CBX2: variants seen among roughly 807,000 people sequenced by gnomAD.
The protein encoded by CBX2 is chromobox 2, also known as chromobox protein homolog 2.
CBX2 carries 11 observed loss-of-function variants against 21.0 expected under a neutral mutation model. That is an observed-to-expected ratio of 0.52 (90% CI 0.33 to 0.87). CBX2 has a LOEUF of 0.87. CBX2 is among the 40% of genes least tolerant of loss of function. The pLI is 0.02. For synonymous variants in CBX2, 364 were observed against 304.6 expected, an observed-to-expected ratio of 1.19 and a Z score of -2.03; for missense variants, 746 against 724.3, an observed-to-expected ratio of 1.03 and a Z score of -0.34.
At chr17:79,782,566 C>A in intron 4 of CBX2, 1 of 928,114 alleles carries the variant, frequency 1.1e-6, no homozygotes, top group Non-Finnish European at 1.3e-6. Flanking sequence ...AGCTCAGTCA[C>A]TAACTGAACC....
At chr17:79,778,061 G>A (rs1278804860), upstream of CBX2, 1 of 149,348 alleles carries the variant, frequency 6.7e-6, no homozygotes, top group South Asian at 2.1e-4. The surrounding 1 kb of genome is among the most constrained non-coding windows in gnomAD (Gnocchi z 4.8). Context: ...CGGGATTTGG[G>A]CAGCGCGCGG....
rs782234173 is a variant in CBX2, at chr17:79,784,843, C to T, written c.1400C>T (p.Ser467Leu). The T allele has an allele frequency of 9.9e-6, 16 of 1,612,378 alleles. No individual in the cohort carries two copies. The highest frequency in any genetic ancestry group is 4.5e-5 in the East Asian group (2 of 44,862). ...AGCGCAGGTGAGGAGAGTAGCAGCT[C>T]GGACTCCGACCCCGACTCCGCCTCG... ...EMSAGEESSS[S>L]DSDPDSASPP... Residue 467 changes from serine to leucine, a missense_variant, in exon 5 of 5, where the codon TCG (serine) becomes TTG (leucine). This residue lies in a region of CBX2 where 701 missense variants were observed against 650.7 expected (regional missense o/e 1.08). Coordinates refer to ENST00000310942, the MANE Select transcript of CBX2 (RefSeq NM_005189.3). The surrounding 1 kb of genome is among the most constrained non-coding windows in gnomAD (Gnocchi z 5.9).
chr17:79,779,405 C>T lies in CBX2; in HGVS notation c.160C>T (p.Leu54=). ...EPEENILDPR[L]LLAFQKKEHE... ...GGAGGAGAACATCCTGGACCCGAGG[C>T]TGCTCCTGGCCTTCCAGAAGAAGTG... The change falls in exon 3 of 5, where the codon CTG becomes TTG. Residue 54 remains leucine (L), a synonymous_variant. Coordinates refer to ENST00000310942, the MANE Select transcript of CBX2 (RefSeq NM_005189.3). The T allele has an allele frequency of 6.2e-7, 1 of 1,613,796 alleles. No individual in the cohort carries two copies. Among genetic ancestry groups the T allele is most frequent in the Non-Finnish European group, 8.5e-7 (1 of 1,179,962 alleles).
At position 79,779,392 on chromosome 17, in the gene CBX2, C is replaced by T. The variant is rs35124694; in HGVS notation, c.147C>T (p.Ile49=). 0.024 allele frequency: 38,594 copies of T among 1,613,810 alleles called. 539 individuals carry two copies. The highest frequency in any genetic ancestry group is 0.05 in the Middle Eastern group (304 of 6,040). The change falls in exon 3 of 5, where the codon ATC becomes ATT. Residue 49 remains isoleucine (I), a synonymous_variant. Coordinates refer to ENST00000310942, the MANE Select transcript of CBX2 (RefSeq NM_005189.3). ...KHNSWEPEEN[I]LDPRLLLAFQ... is the part of the protein sequence containing the mutation. The stretch of plus-strand genomic sequence containing the variant: ...ACAGCTGGGAGCCGGAGGAGAACAT[C>T]CTGGACCCGAGGCTGCTCCTGGCCT...
chr17:79,781,843 C>G, intron 4 of CBX2, 42 bp downstream of exon 4: 2 of 1,614,086 alleles, frequency 1.2e-6, no homozygotes, highest in Non-Finnish European at 1.7e-6. Flanking sequence ...CCTCCCAGCA[C>G]CCCCTTGGCG....
intron 4 of CBX2, chr17:79,782,236 C>CGAG: frequency 6.3e-7 from 1 of 1,588,412 alleles, no homozygotes; most frequent in Non-Finnish European, 8.6e-7. Flanking sequence ...CACCTTAAAT[C>CGAG]GAGGTGGCCA....
In CBX2 at chr17:79,778,568, C is replaced by G. The variant is rs1315487733; in HGVS notation, c.116+141C>G. ...GTTCGCGGGGTCCCCGCGGGCTCCTCCGGCTCTGAGGGGGGCGGGGGCCGC... is the reference window on the plus strand; with the variant it reads ...GTTCGCGGGGTCCCCGCGGGCTCCTGCGGCTCTGAGGGGGGCGGGGGCCGC... On this transcript the variant is annotated intron_variant, in intron 2 of 4. Transcript: ENST00000310942. This position sits in a 1 kb window ranked among gnomAD's most constrained non-coding sequence, Gnocchi z 4.8. The G allele has an allele frequency of 1.0e-5, 5 of 482,356 alleles. No individual in the cohort carries two copies. The highest frequency in any genetic ancestry group is 1.0e-4 in the African/African-American group (5 of 48,314). 29.9% of individuals were successfully genotyped at this position (482,356 alleles called of 1,614,324 possible).
intron 4 of CBX2, chr17:79,782,101 CA>C (rs782700250): frequency 8.1e-6 from 13 of 1,613,506 alleles, no homozygotes; most frequent in Middle Eastern, 1.6e-4. Flanking sequence ...TCTTCCCTCC[CA>C]GGGGGTCCTT....
In CBX2 at chr17:79,778,524, C is replaced by T; in HGVS notation, c.116+97C>T. 2 of 713,864 alleles carry T rather than the reference C, an allele frequency of 2.8e-6. No homozygotes were observed. Among genetic ancestry groups the T allele is most frequent in the Non-Finnish European group, 4.1e-6 (2 of 488,278 alleles). The allele number at this position is 713,864 out of a possible 1,614,324, so 44.2% of individuals were successfully genotyped here. Reference sequence around the variant, plus strand: ...CGCGCCGTCCGGTGGCCTGGGGGCGCCCGCGGGCAGAGCGGGAAGTTCGCG... The same window carrying T: ...CGCGCCGTCCGGTGGCCTGGGGGCGTCCGCGGGCAGAGCGGGAAGTTCGCG... On this transcript the variant is annotated intron_variant, in intron 2 of 4. Coordinates refer to ENST00000310942, the MANE Select transcript of CBX2 (RefSeq NM_005189.3). The surrounding 1 kb of genome is among the most constrained non-coding windows in gnomAD (Gnocchi z 4.8).
At position 79,779,445 on chromosome 17, in the gene CBX2, A is replaced by ATT; in HGVS notation, c.182+18_182+19insTT. The ATT allele has an allele frequency of 6.3e-7, 1 of 1,577,662 alleles. No individual in the cohort carries two copies. The highest frequency in any genetic ancestry group is 8.6e-7 in the Non-Finnish European group (1 of 1,156,110). ...CAGAAGAAGTGAGGACGCTGACAGCACTGGGGAGGGTGTGGGGGAGGGACG... is the reference window on the plus strand; with the variant it reads ...CAGAAGAAGTGAGGACGCTGACAGCATTCTGGGGAGGGTGTGGGGGAGGGACG... On this transcript the variant is annotated intron_variant, in intron 3 of 4. Coordinates refer to ENST00000310942, the MANE Select transcript of CBX2 (RefSeq NM_005189.3).
chr17:79,782,282 C>T, intron 4 of CBX2: 3 of 1,539,964 alleles, frequency 1.9e-6, no homozygotes, highest in Non-Finnish European at 1.7e-6. Context: ...CAGGGGGTGC[C>T]AGGAGGGGCC....
chr17:79,780,842 CT>C (rs1555830012), intron 3 of CBX2, among the ~76,000 whole-genome samples: 13 of 152,254 alleles, frequency 8.5e-5, no homozygotes, highest in Non-Finnish European at 1.5e-5. Context: ...CTTCATTGTC[CT>C]TTTAGGAGAT....
At chr17:79,780,748 G>C (rs1907117843) in intron 3 of CBX2, among the ~76,000 whole-genome samples, 1 of 152,066 alleles carries the variant, frequency 6.6e-6, no homozygotes, top group Middle Eastern at 3.2e-3. Flanking sequence ...ATTGGAGGGG[G>C]TGGGGGTATG....
Position 79,784,778 on chromosome 17 carries a change from C to T in CBX2, c.1335C>T (p.Ala445=). Residue 445 remains alanine, a synonymous_variant, in exon 5 of 5, where the codon GCC becomes GCT. Transcript: ENST00000310942. This position sits in a 1 kb window ranked among gnomAD's most constrained non-coding sequence, Gnocchi z 5.9. ...ATPSGQESRT[A]PGEARKAATL... ...CCAGTGGGCAGGAGAGCCGCACAGC[C>T]CCCGGAGAAGCCCGCAAGGCGGCCA... 1 of 1,610,682 alleles carries T rather than the reference C, an allele frequency of 6.2e-7. No individual in the cohort carries two copies. The highest frequency in any genetic ancestry group is 8.5e-7 in the Non-Finnish European group (1 of 1,178,928).
intron 4 of CBX2, among the ~76,000 whole-genome samples, chr17:79,782,975 G>C (rs1470930024): frequency 6.6e-6 from 1 of 152,180 alleles, no homozygotes; most frequent in African/African-American, 2.4e-5. Context: ...CTCAGACTGG[G>C]AAATGGGGAT....
rs1178610931 is a variant in CBX2, at chr17:79,785,430, C to G, written c.*388C>G. 1 of 295,264 alleles carries G rather than the reference C, an allele frequency of 3.4e-6. No homozygotes were observed. The highest frequency in any genetic ancestry group is 6.6e-6 in the Non-Finnish European group (1 of 151,426). The allele number at this position is 295,264 out of a possible 1,614,324, so 18.3% of individuals were successfully genotyped here. A position where few individuals can be genotyped will look rare whatever the true frequency, so the allele number is the denominator to read the frequency against. ...TGCGTGACTGAATCACAGCTTTGGT[C>G]CCTGTCTTGCAGGGGCTGAGGTGTC... On this transcript the variant is annotated 3_prime_UTR_variant, in exon 5 of 5. Coordinates refer to ENST00000310942, the MANE Select transcript of CBX2 (RefSeq NM_005189.3).
At position 79,786,023 on chromosome 17, in the gene CBX2, G is replaced by C. The variant is rs1555831767; in HGVS notation, c.*981G>C. The C allele has an allele frequency of 6.6e-6, 1 of 152,414 alleles. No individual in the cohort carries two copies. The highest frequency in any genetic ancestry group is 1.9e-4 in the East Asian group (1 of 5,204). 9.4% of individuals were successfully genotyped at this position (152,414 alleles called of 1,614,324 possible). ...GGAAAACCCAAAGTGGAGGTGCTCAGGTCCAGGGGAGTCCAGTGGGCAGGA... is the reference window on the plus strand; with the variant it reads ...GGAAAACCCAAAGTGGAGGTGCTCACGTCCAGGGGAGTCCAGTGGGCAGGA... On this transcript the variant is annotated 3_prime_UTR_variant, in exon 5 of 5. Coordinates refer to ENST00000310942, the MANE Select transcript of CBX2 (RefSeq NM_005189.3).
In CBX2 at chr17:79,779,049, T is replaced by G. The variant is rs540681204; in HGVS notation, c.117-313T>G. Among the ~76,000 whole-genome samples, 29 of 152,306 alleles carry G rather than the reference T, an allele frequency of 1.9e-4. No individual in the cohort carries two copies. The East Asian group carries it at 5.4e-3, about 28-fold the overall frequency. ...CCGGGCCAGGGTTTGGGGGAATCCC[T>G]CTCTGCAACTTTGCGTTTTATGGGG... On this transcript the variant is annotated intron_variant, in intron 2 of 4. Coordinates refer to ENST00000310942, the MANE Select transcript of CBX2 (RefSeq NM_005189.3).
In CBX2 at chr17:79,784,414, CAGG is replaced by C. The variant is rs1353456083; in HGVS notation, c.972_974del (p.Gly326del). 5.0e-6 allele frequency: 8 copies of C among 1,611,988 alleles called. No homozygotes were observed. Among genetic ancestry groups the C allele is most frequent in the Non-Finnish European group, 6.8e-6 (8 of 1,179,586 alleles). On this transcript the variant is annotated inframe_deletion, in exon 5 of 5. Transcript: ENST00000310942. The surrounding 1 kb of genome is among the most constrained non-coding windows in gnomAD (Gnocchi z 5.9). ...GCTGTGGAGCAGAAAGTGGGGAACA[CAGG>C]GGGCCCCCCGCACACCCATGGTGCC...
Sources: gnomAD v4.1 joint callset for allele counts (sites outside exome capture counted in the v4.1 genomes callset) on GRCh38, gnomAD v4.1.1 for gene constraint, gnomAD v4.1.1 regional missense constraint, Gnocchi (gnomAD v3.1) non-coding constraint, MANE v1.5 for transcripts, NCBI Gene and HGNC (gene_info 2026-07-23, HGNC 2026-07-21) for gene names.